The following ROCK1 variants were observed in gnomAD, a reference collection of about 807,000 sequenced individuals.
ROCK1 encodes Rho associated coiled-coil containing protein kinase 1.
Under a neutral mutation model 196.8 loss-of-function variants are expected in ROCK1, and 36 were observed. That is an observed-to-expected ratio of 0.18 (90% CI 0.14 to 0.24). ROCK1 has a LOEUF of 0.24. Ranked by LOEUF, ROCK1 falls within the 10% of genes least tolerant of loss-of-function variation. The pLI, the probability that ROCK1 is intolerant of heterozygous loss-of-function variation, is 1.00. For missense variants in ROCK1, 920 were observed against 1,562.0 expected, an observed-to-expected ratio of 0.59 and a Z score of 6.93; for synonymous variants, 443 against 515.9, an observed-to-expected ratio of 0.86 and a Z score of 1.91.
At chr18:20,988,155 T>G (rs1315255137) in intron 18 of ROCK1, among the ~76,000 whole-genome samples, 1 of 152,042 alleles carries the variant, frequency 6.6e-6, no homozygotes, top group Non-Finnish European at 1.5e-5. Context: ...AACTTCCGCC[T>G]CCTGGATTCT....
At chr18:21,003,964 G>A (rs2143432793) in intron 16 of ROCK1, among the ~76,000 whole-genome samples, 1 of 151,878 alleles carries the variant, frequency 6.6e-6, no homozygotes, top group Middle Eastern at 3.4e-3. Flanking sequence ...ATTGATTTTT[G>A]CCTTTCAATC....
In ROCK1 at chr18:21,092,520, G is replaced by T. The variant is rs1217003824; in HGVS notation, c.93+18298C>A. ...GACTGCTTCAGCCTGGGAGGTCAAG[G>T]CTGCAGTGAGCCATGATCGCACCAC... On this transcript the variant is annotated intron_variant, in intron 1 of 32. Transcript: ENST00000399799. Among the ~76,000 whole-genome samples, 3 of 147,678 alleles carry T rather than the reference G, an allele frequency of 2.0e-5. No individual in the cohort carries two copies. In the Admixed American group the frequency reaches 2.1e-4, roughly 10 times the overall value.
At chr18:21,087,233 G>A (rs1165615254) in intron 1 of ROCK1, among the ~76,000 whole-genome samples, 2 of 152,072 alleles carry the variant, frequency 1.3e-5, no homozygotes, top group African/African-American at 4.8e-5. Flanking sequence ...AAATGTTCAA[G>A]TGGCCCAGGA....
At chr18:21,012,415 A>G (rs1038615872) in intron 13 of ROCK1, among the ~76,000 whole-genome samples, 8 of 152,150 alleles carry the variant, frequency 5.3e-5, no homozygotes, top group African/African-American at 1.9e-4. Flanking sequence ...ACAGAATTCT[A>G]GGTTGATAGG....
In ROCK1 at chr18:20,959,171, A is replaced by T. The variant is rs868296673; in HGVS notation, c.3512+669T>A. 5.2e-3 allele frequency among the ~76,000 whole-genome samples: 325 copies of T among 61,980 alleles called. 4 individuals are homozygous for T. The highest frequency in any genetic ancestry group is 0.014 in the African/African-American group (191 of 14,128). 40.7% of individuals were successfully genotyped at this position (61,980 alleles called of 152,430 possible). ...AAATATATATATTATATATTATATA[A>T]TATATATAATATTATATATAATATA... On this transcript the variant is annotated intron_variant, in intron 29 of 32. Transcript: ENST00000399799.
At chr18:21,039,419 C>T (rs2036085694) in intron 9 of ROCK1, 53 bp downstream of exon 9, 5 of 1,315,954 alleles carry the variant, frequency 3.8e-6, no homozygotes, top group Non-Finnish European at 5.4e-6. Flanking sequence ...CAACAAACTA[C>T]CACAACTACT....
Position 21,039,488 on chromosome 18 carries a change from C to G in ROCK1, c.1035G>C (p.Trp345Cys), listed in dbSNP as rs2143499225. Reference protein sequence around the residue: ...HLFFKNDQWAWETLRDTVAPV... With the variant: ...HLFFKNDQWACETLRDTVAPV... ...AAAACTTACTGTCTCGGAGCGTTTC[C>G]CAAGCCCACTGGTCATTTTTGAAGA... is the stretch of plus-strand genomic sequence containing the variant. Residue 345 changes from tryptophan to cysteine, a missense_variant, in exon 9 of 33, where the codon TGG becomes TGC. Trp to Cys is a radical substitution (Grantham distance 215, BLOSUM62 -2). Coordinates refer to ENST00000399799, the MANE Select transcript of ROCK1 (RefSeq NM_005406.3). 6.2e-7 allele frequency: 1 copy of G among 1,613,494 alleles called. No individual in the cohort carries two copies.
chr18:20,986,455 C>A (rs530727467), intron 19 of ROCK1, among the ~76,000 whole-genome samples: 165 of 152,296 alleles, frequency 1.1e-3, no homozygotes, highest in Non-Finnish European at 2.0e-3. Context: ...TTCCTACTTT[C>A]AGTCTTAGAA....
At chr18:20,973,753 T>G (rs1322532731) in intron 22 of ROCK1, among the ~76,000 whole-genome samples, 1 of 151,758 alleles carries the variant, frequency 6.6e-6, no homozygotes, top group East Asian at 1.9e-4. Context: ...ATAAATACAA[T>G]GGACAATTTA....
intron 32 of ROCK1, 29 bp from the exon 33 acceptor site, chr18:20,951,416 T>G (rs1324960209): frequency 6.3e-7 from 1 of 1,577,262 alleles, no homozygotes; most frequent in South Asian, 1.2e-5. Flanking sequence ...AAAACTAATT[T>G]AAGAAATGCA....
In ROCK1 at chr18:20,954,904, G is replaced by C. The variant is rs545324702; in HGVS notation, c.3732C>G (p.Ala1244=). The change falls in exon 31 of 33, where the codon GCC becomes GCG. Residue 1244 remains alanine, a synonymous_variant. Transcript: ENST00000399799. Reference sequence around the variant, plus strand: ...AAACATGCCAGAGAGGTTTGGCACAGGCATCACAATTGGCAGGAAAGTGGT... The same window carrying C: ...AAACATGCCAGAGAGGTTTGGCACACGCATCACAATTGGCAGGAAAGTGGT... ...TLYHFPANCD[A]CAKPLWHVFK... 6.2e-7 allele frequency: 1 copy of C among 1,613,776 alleles called. No homozygotes were observed. The highest frequency in any genetic ancestry group is 8.5e-7 in the Non-Finnish European group (1 of 1,179,826).
At chr18:21,028,729 G>T (rs2035982195) in intron 10 of ROCK1, 47 bp downstream of exon 10, 10 of 1,487,920 alleles carry the variant, frequency 6.7e-6, no homozygotes, top group Non-Finnish European at 9.0e-6. Flanking sequence ...ATATTTCTAA[G>T]AACAAAATCA....
chr18:21,040,868 T>TA (rs1260310287), intron 8 of ROCK1, among the ~76,000 whole-genome samples: 1 of 152,126 alleles, frequency 6.6e-6, no homozygotes, highest in Non-Finnish European at 1.5e-5. Flanking sequence ...CTCACACCTG[T>TA]AATCCCAGCA....
intron 8 of ROCK1, among the ~76,000 whole-genome samples, chr18:21,041,093 C>A (rs1228969181): frequency 6.6e-6 from 1 of 151,290 alleles, no homozygotes; most frequent in Non-Finnish European, 1.5e-5. Flanking sequence ...TGCACTCCAG[C>A]CTGGGCAACA....
At chr18:21,019,982 T>A (rs557961881) in intron 12 of ROCK1, among the ~76,000 whole-genome samples, 169 bp downstream of exon 12, 1 of 152,066 alleles carries the variant, frequency 6.6e-6, no homozygotes, top group African/African-American at 2.4e-5. Flanking sequence ...TAAGCCAACA[T>A]AAATACAACT....
chr18:20,981,454 A>G (rs2035532843), intron 21 of ROCK1, among the ~76,000 whole-genome samples: 1 of 152,210 alleles, frequency 6.6e-6, no homozygotes, highest in Non-Finnish European at 1.5e-5. Context: ...CATATCTATA[A>G]TATATGCTTA....
At chr18:21,052,113 G>A (rs940357055) in intron 2 of ROCK1, among the ~76,000 whole-genome samples, 19 of 152,158 alleles carry the variant, frequency 1.2e-4, no homozygotes, top group African/African-American at 2.7e-4. Flanking sequence ...GACAAAGACC[G>A]CAGACAAGTC....
intron 8 of ROCK1, 53 bp from the exon 9 acceptor site, chr18:21,039,616 A>G (rs2036087859): frequency 3.2e-6 from 4 of 1,266,720 alleles, no homozygotes; most frequent in Middle Eastern, 1.9e-4. Flanking sequence ...TCTTATTATA[A>G]CCTGTCCAGG....
chr18:21,105,647 G>A (rs920234710), intron 1 of ROCK1, among the ~76,000 whole-genome samples: 6 of 152,174 alleles, frequency 3.9e-5, no homozygotes, highest in African/African-American at 7.2e-5. Context: ...TCAGTTTAGC[G>A]ACAGGGACAA....
Sources: allele counts gnomAD v4.1 joint callset (sites outside exome capture counted in the v4.1 genomes callset), GRCh38; gene constraint gnomAD v4.1.1; transcripts MANE v1.5; gene names NCBI Gene and HGNC (gene_info 2026-07-23, HGNC 2026-07-21).